Variants in SLC2A13 observed in about 807,000 individuals in gnomAD.
The protein encoded by SLC2A13 is proton myo-inositol cotransporter.
Under a neutral mutation model 64.4 loss-of-function variants are expected in SLC2A13, and 32 were observed. The ratio of observed to expected loss-of-function variants is 0.50; its 90% CI spans 0.37 to 0.67. The LOEUF (loss-of-function observed/expected upper bound fraction) is 0.67, where lower values mean the gene tolerates loss of function less well. SLC2A13 is among the 30% of genes least tolerant of loss of function. The pLI is 0.00. For missense variants in SLC2A13, 743 were observed against 829.2 expected (o/e 0.90, Z 1.28); for synonymous variants, 338 against 327.1 (o/e 1.03, Z -0.36).
intron 3 of SLC2A13, among the ~76,000 whole-genome samples, chr12:40,021,988 T>C (rs1396604420): frequency 6.6e-6 from 1 of 151,458 alleles, no homozygotes; most frequent in Non-Finnish European, 1.5e-5. Flanking sequence ...AAAAAGAAAA[T>C]GACTTACGAA....
chr12:40,067,191 C>A (rs927137153), intron 1 of SLC2A13, among the ~76,000 whole-genome samples: 7 of 152,010 alleles, frequency 4.6e-5, no homozygotes, highest in Non-Finnish European at 8.8e-5. Flanking sequence ...TGCTAGTTTA[C>A]TATATAAATT....
intron 1 of SLC2A13, among the ~76,000 whole-genome samples, chr12:40,094,128 G>A (rs1938856260): frequency 1.3e-5 from 2 of 152,166 alleles, no homozygotes; most frequent in Admixed American, 1.3e-4. Context: ...CTAGCCGACT[G>A]GATAAGGGGC....
At chr12:39,836,058 C>T (rs1383422758) in intron 6 of SLC2A13, among the ~76,000 whole-genome samples, 1 of 152,064 alleles carries the variant, frequency 6.6e-6, no homozygotes, top group African/African-American at 2.4e-5. Flanking sequence ...TTCGTTGAGG[C>T]CCACACAGAA....
In SLC2A13 at chr12:40,047,224, T is replaced by C. The variant is rs371122459; in HGVS notation, c.716+827A>G. On this transcript the variant is annotated intron_variant, in intron 2 of 9. Coordinates refer to ENST00000280871, the MANE Select transcript of SLC2A13 (RefSeq NM_052885.4). The stretch of plus-strand genomic sequence containing the variant: ...GTCCACACCCTTTTTTCTTCTACTG[T>C]TGAGGATTAACATCAACACTGTAAA... Among the ~76,000 whole-genome samples, 21 of 152,256 alleles carry C rather than the reference T, an allele frequency of 1.4e-4. No individual in the cohort carries two copies. In the South Asian group the frequency reaches 2.3e-3, roughly 17 times the overall value.
At chr12:39,973,408 T>C (rs1417628909) in intron 3 of SLC2A13, among the ~76,000 whole-genome samples, 2 of 152,214 alleles carry the variant, frequency 1.3e-5, no homozygotes, top group Non-Finnish European at 2.9e-5. Context: ...ATCCAAACTT[T>C]GGAATGCCCC....
At chr12:39,887,107 C>G (rs976069626) in intron 4 of SLC2A13, among the ~76,000 whole-genome samples, 6 of 152,150 alleles carry the variant, frequency 3.9e-5, no homozygotes, top group African/African-American at 1.4e-4. Flanking sequence ...GCACGCTACA[C>G]ACAGAACAAA....
chr12:39,816,975 AT>A (rs1485499847), intron 7 of SLC2A13, among the ~76,000 whole-genome samples: 4 of 152,170 alleles, frequency 2.6e-5, no homozygotes, highest in African/African-American at 9.7e-5. Flanking sequence ...CAAATGTGTT[AT>A]CCCATTGTGG....
chr12:39,808,057 T>C (rs1942033421), intron 7 of SLC2A13, among the ~76,000 whole-genome samples: 1 of 152,270 alleles, frequency 6.6e-6, no homozygotes, highest in South Asian at 2.1e-4. Context: ...TATAAATCCA[T>C]GTAACCACTA....
rs567196324 is a variant in SLC2A13, at chr12:39,920,825, G to C, written c.1034+30432C>G. The stretch of plus-strand genomic sequence containing the variant: ...GCACATACCCACACACACCTGACTA[G>C]ACCTTAGCTAGCCACAGAATGCCTG... On this transcript the variant is annotated intron_variant, in intron 4 of 9. Coordinates refer to ENST00000280871, the MANE Select transcript of SLC2A13 (RefSeq NM_052885.4). Among the ~76,000 whole-genome samples the C allele has an allele frequency of 2.6e-5, 4 of 152,142 alleles. No homozygotes were observed. The South Asian group carries it at 6.2e-4, about 24-fold the overall frequency.
At chr12:39,870,092 T>A (rs1243900074) in intron 5 of SLC2A13, among the ~76,000 whole-genome samples, 1 of 152,174 alleles carries the variant, frequency 6.6e-6, no homozygotes, top group Admixed American at 6.5e-5. Context: ...TTTACTGGAA[T>A]ACCAAATGAA....
At chr12:40,063,954 A>C (rs909175039) in intron 1 of SLC2A13, among the ~76,000 whole-genome samples, 1 of 152,140 alleles carries the variant, frequency 6.6e-6, no homozygotes, top group African/African-American at 2.4e-5. Flanking sequence ...TAAAATATAA[A>C]ATATATGGCC....
chr12:40,092,909 G>A (rs904701906), intron 1 of SLC2A13, among the ~76,000 whole-genome samples: 1 of 152,218 alleles, frequency 6.6e-6, no homozygotes, highest in Admixed American at 6.5e-5. Flanking sequence ...CTGTGAATCA[G>A]TAATCCCTCT....
intron 6 of SLC2A13, among the ~76,000 whole-genome samples, chr12:39,858,343 C>T (rs1019484551): frequency 1.3e-5 from 2 of 152,118 alleles, no homozygotes; most frequent in African/African-American, 4.8e-5. Context: ...ACACATACAA[C>T]ATTGTTTTCT....
At chr12:39,818,903 G>C (rs2135821578) in intron 7 of SLC2A13, among the ~76,000 whole-genome samples, 1 of 152,160 alleles carries the variant, frequency 6.6e-6, no homozygotes, top group South Asian at 2.1e-4. Context: ...ATTGTCCCAA[G>C]CAGAATTCCG....
chr12:40,003,068 A>T (rs1947346353), intron 3 of SLC2A13, among the ~76,000 whole-genome samples: 1 of 152,214 alleles, frequency 6.6e-6, no homozygotes, highest in Admixed American at 6.5e-5. Context: ...CCTGGTGAAT[A>T]ATAATGCCAT....
chr12:40,059,585 A>G (rs1948385084), intron 1 of SLC2A13, among the ~76,000 whole-genome samples: 1 of 152,306 alleles, frequency 6.6e-6, no homozygotes, highest in East Asian at 1.9e-4. Flanking sequence ...AGAAATACAT[A>G]GGACAATGTA....
At chr12:39,882,061 T>C (rs1412395770) in intron 4 of SLC2A13, among the ~76,000 whole-genome samples, 2 of 152,160 alleles carry the variant, frequency 1.3e-5, no homozygotes, top group East Asian at 3.8e-4. Flanking sequence ...CCCACTGACA[T>C]AATATGTCAC....
chr12:40,063,357 C>G (rs1592051072), intron 1 of SLC2A13, among the ~76,000 whole-genome samples: 1 of 151,838 alleles, frequency 6.6e-6, no homozygotes, highest in Middle Eastern at 3.4e-3. Context: ...CAACCTGCCC[C>G]AATATTTACT....
chr12:40,004,109 G>A (rs1035076400), intron 3 of SLC2A13, among the ~76,000 whole-genome samples: 6 of 152,024 alleles, frequency 3.9e-5, no homozygotes, highest in Non-Finnish European at 8.8e-5. Flanking sequence ...CACTGTATTC[G>A]GTTTTATAAG....
Sources: gnomAD v4.1 joint callset for allele counts (sites outside exome capture counted in the v4.1 genomes callset) on GRCh38, gnomAD v4.1.1 for gene constraint, MANE v1.5 for transcripts, NCBI Gene and HGNC (gene_info 2026-07-23, HGNC 2026-07-21) for gene names.